FGD4: variants seen among roughly 807,000 people sequenced by gnomAD.
FGD4 encodes the protein FYVE, RhoGEF and PH domain containing 4.
FGD4 carries 42 observed loss-of-function variants against 102.0 expected under a neutral mutation model. The observed-to-expected ratio is 0.41, with a 90% CI of 0.32 to 0.53. FGD4 has a LOEUF of 0.53. Among genes scored for constraint, FGD4 ranks in the 20% least tolerant of loss-of-function variants. The pLI is 0.21. For missense variants in FGD4, 902 were observed against 1,078.2 expected (o/e 0.84, Z 2.29); for synonymous variants, 380 against 375.7 (o/e 1.01, Z -0.13).
At chr12:32,528,374 C>T (rs1241352416) in intron 1 of FGD4, among the ~76,000 whole-genome samples, 1 of 152,170 alleles carries the variant, frequency 6.6e-6, no homozygotes, top group Non-Finnish European at 1.5e-5. Context: ...TTGCATATAA[C>T]CTACGCACAT....
intron 1 of FGD4, among the ~76,000 whole-genome samples, chr12:32,500,392 T>TTTTTTTTTTATTTTA (rs1555189363): frequency 1.5e-5 from 2 of 135,274 alleles, no homozygotes; most frequent in African/African-American, 5.6e-5. Flanking sequence ...TTTTATTTTA[T>TTTTTTTTTTATTTTA]TTTTATTTTA....
intron 1 of FGD4, among the ~76,000 whole-genome samples, chr12:32,541,659 C>T (rs1419589710): frequency 2.0e-5 from 3 of 152,058 alleles, no homozygotes; most frequent in South Asian, 4.1e-4. Context: ...CCACCGTGCC[C>T]GGCCAGTAAT....
In FGD4 at chr12:32,601,314, G is replaced by A; in HGVS notation, c.1138G>A (p.Gly380Ser). ...YCKLLEEANR[G>S]SFPAEMVNKI... is the part of the protein sequence containing the mutation. ...CAAACTGTTGGAAGAAGCAAACCGAGGCTCGTTTCCAGCAGAGATGGTGAA... is the reference window on the plus strand; with the variant it reads ...CAAACTGTTGGAAGAAGCAAACCGAAGCTCGTTTCCAGCAGAGATGGTGAA... The change falls in exon 6 of 17, where the codon GGC (glycine) becomes AGC (serine). Residue 380 changes from glycine to serine, a missense_variant. Gly to Ser is a moderately conservative substitution (Grantham distance 56). Around this residue, in one of 2 missense-constraint regions of FGD4, gnomAD observed 443 missense variants for 459.2 expected, o/e 0.96. Transcript: ENST00000534526. 6.2e-7 allele frequency: 1 copy of A among 1,614,108 alleles called. No individual in the cohort carries two copies.
At chr12:32,410,773 T>G (rs1360672138) in intron 1 of FGD4, among the ~76,000 whole-genome samples, 1 of 152,158 alleles carries the variant, frequency 6.6e-6, no homozygotes, top group Non-Finnish European at 1.5e-5. Context: ...GGAACCGCAC[T>G]GAGCCTCAGT....
chr12:32,438,641 G>A lies in FGD4; in HGVS notation c.166+38682G>A, dbSNP rs914099598. ...GTTTTTTTTTTTGAGATGGAGTCTC[G>A]CTCTGTCACCCAGGCTGGAGTGCAG... On this transcript the variant is annotated intron_variant, in intron 1 of 16. Coordinates refer to ENST00000534526, the MANE Select transcript of FGD4 (RefSeq NM_001370298.3). Among the ~76,000 whole-genome samples, 15 of 148,386 alleles carry A rather than the reference G, an allele frequency of 1.0e-4. No homozygotes were observed. In the East Asian group the frequency reaches 1.8e-3, roughly 18 times the overall value.
chr12:32,625,165 C>T (rs1369526981), intron 13 of FGD4, 97 bp downstream of exon 13: 4 of 1,029,670 alleles, frequency 3.9e-6, no homozygotes, highest in Non-Finnish European at 6.0e-6. Flanking sequence ...TTTCCCTTTA[C>T]AATGTCAGAA....
chr12:32,499,577 A>G (rs1473811097), intron 1 of FGD4, among the ~76,000 whole-genome samples: 1 of 152,240 alleles, frequency 6.6e-6, no homozygotes, highest in African/African-American at 2.4e-5. Flanking sequence ...ACATTAAAAA[A>G]TATGTATAAG....
intron 1 of FGD4, among the ~76,000 whole-genome samples, chr12:32,541,789 A>C (rs1237484138): frequency 1.3e-5 from 2 of 152,238 alleles, no homozygotes; most frequent in Non-Finnish European, 2.9e-5. Context: ...ACCAACCATC[A>C]AAAAGAAGAA....
chr12:32,403,548 G>A (rs1489690107), intron 1 of FGD4, among the ~76,000 whole-genome samples: 1 of 150,024 alleles, frequency 6.7e-6, no homozygotes, highest in Non-Finnish European at 1.5e-5. Context: ...TGCTGTGTTT[G>A]CACCTGTGAA....
At position 32,499,813 on chromosome 12, in the gene FGD4, C is replaced by T. The variant is rs527917100; in HGVS notation, c.167-64324C>T. ...GGTGGATCACTTGAGCTCAGGAGTTCGAGACCACCTCTGCCAGCATGGCGA... is the reference window on the plus strand; with the variant it reads ...GGTGGATCACTTGAGCTCAGGAGTTTGAGACCACCTCTGCCAGCATGGCGA... On this transcript the variant is annotated intron_variant, in intron 1 of 16. Coordinates refer to ENST00000534526, the MANE Select transcript of FGD4 (RefSeq NM_001370298.3). Among the ~76,000 whole-genome samples, 185 of 152,172 alleles carry T rather than the reference C, an allele frequency of 1.2e-3. 1 individual carries two copies. Among genetic ancestry groups the T allele is most frequent in the Non-Finnish European group, 2.3e-3 (157 of 68,010 alleles).
intron 1 of FGD4, among the ~76,000 whole-genome samples, chr12:32,563,409 C>T (rs1282048338): frequency 1.3e-5 from 2 of 151,322 alleles, no homozygotes; most frequent in Non-Finnish European, 1.5e-5. Context: ...GATGGGCGGC[C>T]GGGCAGAGAC....
chr12:32,509,130 G>A (rs981101982), intron 1 of FGD4, among the ~76,000 whole-genome samples: 2 of 151,904 alleles, frequency 1.3e-5, no homozygotes, highest in African/African-American at 4.8e-5. Flanking sequence ...AAATACAAAT[G>A]TTAGGAGGTA....
chr12:32,563,923 G>T (rs1944942396), intron 1 of FGD4, among the ~76,000 whole-genome samples: 2 of 151,706 alleles, frequency 1.3e-5, no homozygotes, highest in South Asian at 4.2e-4. Context: ...ATCAGGCAGG[G>T]AGGTTGCAGT....
chr12:32,462,368 C>A (rs1365966608), intron 1 of FGD4, among the ~76,000 whole-genome samples: 1 of 152,022 alleles, frequency 6.6e-6, no homozygotes, highest in Non-Finnish European at 1.5e-5. Context: ...ATCATGTTGG[C>A]CAGACTGGCC....
chr12:32,424,214 C>G (rs1246285735), intron 1 of FGD4, among the ~76,000 whole-genome samples: 2 of 151,910 alleles, frequency 1.3e-5, no homozygotes, highest in Non-Finnish European at 2.9e-5. Context: ...TGCTATCCCT[C>G]CCCTAGCCCC....
At chr12:32,516,250 A>G (rs566518746) in intron 1 of FGD4, among the ~76,000 whole-genome samples, 3 of 151,880 alleles carry the variant, frequency 2.0e-5, no homozygotes, top group African/African-American at 7.2e-5. Context: ...ACCTGCTCAG[A>G]CTCCTGAGCA....
Position 32,485,436 on chromosome 12 carries a change from A to ATTTT in FGD4, c.167-78682_167-78679dup, listed in dbSNP as rs372655892. ...AGAATCCTCAGATCTTTTAAGACCA[A>ATTTT]TTTTTTTTTTTTTTTTTTTTTTGAG... On this transcript the variant is annotated intron_variant, in intron 1 of 16. Coordinates refer to ENST00000534526, the MANE Select transcript of FGD4 (RefSeq NM_001370298.3). 5.2e-3 allele frequency among the ~76,000 whole-genome samples: 589 copies of ATTTT among 114,130 alleles called. 15 individuals are homozygous for ATTTT. Among genetic ancestry groups the ATTTT allele is most frequent in the African/African-American group, 0.012 (380 of 30,824 alleles). 74.9% of individuals were successfully genotyped at this position (114,130 alleles called of 152,430 possible). A position where few individuals can be genotyped will look rare whatever the true frequency, so the allele number is the denominator to read the frequency against.
rs532792309 is a variant in FGD4, at chr12:32,479,712, A to G, written c.166+79753A>G. On this transcript the variant is annotated intron_variant, in intron 1 of 16. Transcript: ENST00000534526. ...GTCCAAATAGTTATATTCGTTTACT[A>G]TTTAACAGAATTTATTTTTTCCACT... 1.9e-4 allele frequency among the ~76,000 whole-genome samples: 28 copies of G among 150,880 alleles called. No individual in the cohort carries two copies. The South Asian group carries it at 3.5e-3, about 19-fold the overall frequency.
Position 32,399,913 on chromosome 12 carries a change from T to A in FGD4, c.120T>A (p.Arg40=). The change falls in exon 1 of 17, where the codon CGT becomes CGA. Residue 40 remains arginine, a synonymous_variant. Transcript: ENST00000534526. ...GCAGGCCCGCGTCGCACCTGGGACG[T>A]GTAGGGACCGCTGCCTTCAAGGGCC... ...PWSRPASHLG[R]VGTAAFKGQV... is the part of the protein sequence containing the mutation. 1 of 1,520,970 alleles carries A rather than the reference T, an allele frequency of 6.6e-7. No individual in the cohort carries two copies. 94.2% of individuals were successfully genotyped at this position (1,520,970 alleles called of 1,614,324 possible).
Sources: allele counts gnomAD v4.1 joint callset (sites outside exome capture counted in the v4.1 genomes callset), GRCh38; gene constraint gnomAD v4.1.1; regional missense constraint gnomAD v4.1.1; transcripts MANE v1.5; gene names NCBI Gene and HGNC (gene_info 2026-07-23, HGNC 2026-07-21).